ITSN1: variants seen among roughly 807,000 people sequenced by gnomAD.
ITSN1 encodes the protein intersectin-1.
In ITSN1, 58 loss-of-function variants were observed where a neutral mutation model predicts 239.8. The observed-to-expected ratio is 0.24, with a 90% CI of 0.20 to 0.30. The LOEUF (loss-of-function observed/expected upper bound fraction) is 0.30, where lower values mean the gene tolerates loss of function less well. Among genes scored for constraint, ITSN1 ranks in the 10% least tolerant of loss-of-function variants. The probability of loss-of-function intolerance (pLI) is 1.00; values close to 1 mark genes in which losing one functional copy is unlikely to be tolerated. For synonymous variants in ITSN1, 780 were observed against 770.8 expected (o/e 1.01, Z -0.20); for missense variants, 1,558 against 2,103.3 (o/e 0.74, Z 5.07).
Position 33,777,255 on chromosome 21 carries a change from T to A in ITSN1, c.1596+2147T>A, listed in dbSNP as rs187534856. Among the ~76,000 whole-genome samples the A allele has an allele frequency of 3.5e-3, 537 of 152,320 alleles. 2 individuals are homozygous for A. Among genetic ancestry groups the A allele is most frequent in the African/African-American group, 0.012 (510 of 41,568 alleles). ...CTTTTTTCCCATTGAGTTACCTTGG[T>A]AGCTTGTTGAAAATCAGTTGAACAT... On this transcript the variant is annotated intron_variant, in intron 14 of 39. Transcript: ENST00000381318.
intron 1 of ITSN1, among the ~76,000 whole-genome samples, chr21:33,702,224 C>T (rs1167977493): frequency 0.1 from 5 of 48 alleles, no homozygotes; most frequent in Non-Finnish European, 0.12. Flanking sequence ...CAAGCGATTC[C>T]CCTGCACTCA....
chr21:33,858,140 G>A (rs764432280), intron 30 of ITSN1, among the ~76,000 whole-genome samples: 5 of 152,114 alleles, frequency 3.3e-5, no homozygotes, highest in African/African-American at 9.7e-5. Flanking sequence ...CCCTTGTAGC[G>A]GGCCTGCAAG....
intron 20 of ITSN1, among the ~76,000 whole-genome samples, chr21:33,809,241 T>A (rs1269663385): frequency 6.6e-6 from 1 of 152,208 alleles, no homozygotes; most frequent in African/African-American, 2.4e-5. Context: ...ATTCAACCTT[T>A]GGAAGTGTTA....
chr21:33,886,120 G>A (rs1985753922), intron 38 of ITSN1, among the ~76,000 whole-genome samples, 167 bp from the exon 39 acceptor site: 1 of 151,850 alleles, frequency 6.6e-6, no homozygotes, highest in African/African-American at 2.4e-5. Context: ...ACTGAGGCAG[G>A]AGAATCACTT....
In ITSN1 at chr21:33,748,652, C is replaced by A. The variant is rs368933528; in HGVS notation, c.347-1491C>A. Among the ~76,000 whole-genome samples the A allele has an allele frequency of 1.4e-4, 21 of 151,070 alleles. No individual in the cohort carries two copies. The East Asian group carries it at 3.9e-3, about 28-fold the overall frequency. On this transcript the variant is annotated intron_variant, in intron 5 of 39. Coordinates refer to ENST00000381318, the MANE Select transcript of ITSN1 (RefSeq NM_003024.3). Reference sequence around the variant, plus strand: ...CCCAGAAGTTCGAGACGAGCTCAGGCAACATAGTAAGACCTCATCTCTACC... The same window carrying A: ...CCCAGAAGTTCGAGACGAGCTCAGGAAACATAGTAAGACCTCATCTCTACC...
chr21:33,742,831 G>A (rs939089178), intron 5 of ITSN1, among the ~76,000 whole-genome samples: 1 of 152,164 alleles, frequency 6.6e-6, no homozygotes, highest in African/African-American at 2.4e-5. Context: ...GCAACAGAAA[G>A]TATCAAGCAA....
At chr21:33,844,067 A>G (rs1476078488) in intron 29 of ITSN1, among the ~76,000 whole-genome samples, 1 of 152,226 alleles carries the variant, frequency 6.6e-6, no homozygotes, top group African/African-American at 2.4e-5. Flanking sequence ...GAGAGAAAAG[A>G]TTGGACAGCT....
intron 29 of ITSN1, among the ~76,000 whole-genome samples, chr21:33,841,457 C>T (rs2074820627): frequency 1.3e-5 from 2 of 152,338 alleles, no homozygotes; most frequent in East Asian, 1.9e-4. Flanking sequence ...CCAGTCTCAG[C>T]TTTTGACACA....
chr21:33,839,447 A>T (rs2074750133), intron 29 of ITSN1, among the ~76,000 whole-genome samples: 1 of 151,744 alleles, frequency 6.6e-6, no homozygotes, highest in Non-Finnish European at 1.5e-5. Context: ...GGAGTGGGGG[A>T]AGAGGTGTGG....
Position 33,895,754 on chromosome 21 carries a change from T to A in ITSN1, c.*7454T>A, listed in dbSNP as rs1569359086. 6.6e-6 allele frequency: 1 copy of A among 152,314 alleles called. No homozygotes were observed. The highest frequency in any genetic ancestry group is 1.5e-5 in the Non-Finnish European group (1 of 68,118). The allele number at this position is 152,314 out of a possible 1,614,324, so 9.4% of individuals were successfully genotyped here. A position where few individuals can be genotyped will look rare whatever the true frequency, so the allele number is the denominator to read the frequency against. ...GCATGCGTGTGTACCTACCCACACC[T>A]AGGGGGATGCATGGCTCTGTGCCTT... On this transcript the variant is annotated 3_prime_UTR_variant, in exon 40 of 40. Coordinates refer to ENST00000381318, the MANE Select transcript of ITSN1 (RefSeq NM_003024.3).
intron 34 of ITSN1, among the ~76,000 whole-genome samples, chr21:33,879,138 A>C (rs1243145422): frequency 2.0e-5 from 3 of 152,178 alleles, no homozygotes; most frequent in Admixed American, 6.5e-5. Context: ...CCTTGAGGCC[A>C]GAAGTTCAAG....
chr21:33,683,767 T>A (rs1321504931), intron 1 of ITSN1, among the ~76,000 whole-genome samples: 1 of 152,256 alleles, frequency 6.6e-6, no homozygotes, highest in Non-Finnish European at 1.5e-5. Flanking sequence ...TCCAAATATT[T>A]GAAATACTAA....
intron 27 of ITSN1, among the ~76,000 whole-genome samples, chr21:33,831,077 A>G (rs991183047): frequency 2.6e-5 from 4 of 152,228 alleles, no homozygotes; most frequent in African/African-American, 9.6e-5. Flanking sequence ...AGTTACTACT[A>G]TAGCAGTTAC....
intron 1 of ITSN1, among the ~76,000 whole-genome samples, chr21:33,668,382 C>G (rs1287541213): frequency 6.6e-6 from 1 of 152,222 alleles, no homozygotes; most frequent in Non-Finnish European, 1.5e-5. Context: ...AGGATGGGCT[C>G]TCTGCCATGA....
chr21:33,736,157 C>A (rs569045162), intron 5 of ITSN1, among the ~76,000 whole-genome samples: 3 of 152,240 alleles, frequency 2.0e-5, no homozygotes, highest in Non-Finnish European at 4.4e-5. Flanking sequence ...ACATCTGATT[C>A]ATGGGGAGGT....
At chr21:33,666,871 A>T (rs1212060117) in intron 1 of ITSN1, among the ~76,000 whole-genome samples, 1 of 152,190 alleles carries the variant, frequency 6.6e-6, no homozygotes, top group Admixed American at 6.5e-5. Flanking sequence ...GTGCAATGAC[A>T]GCTCACTGCA....
intron 33 of ITSN1, among the ~76,000 whole-genome samples, chr21:33,868,503 G>A (rs370741559): frequency 6.6e-6 from 1 of 152,206 alleles, no homozygotes; most frequent in African/African-American, 2.4e-5. Flanking sequence ...CGAGCGCAGC[G>A]CCGGTGGGCT....
chr21:33,753,064 A>G (rs938964536), intron 7 of ITSN1, among the ~76,000 whole-genome samples: 3 of 152,196 alleles, frequency 2.0e-5, no homozygotes, highest in Non-Finnish European at 4.4e-5. Flanking sequence ...ACTCTCTGTT[A>G]TAGATGAGGG....
intron 1 of ITSN1, among the ~76,000 whole-genome samples, chr21:33,678,858 C>T (rs376551668): frequency 3.8e-4 from 58 of 152,288 alleles, no homozygotes; most frequent in African/African-American, 1.4e-3. Flanking sequence ...GGATTACAGG[C>T]ATGCGCCACC....
Sources: allele counts gnomAD v4.1 joint callset (sites outside exome capture counted in the v4.1 genomes callset), GRCh38; gene constraint gnomAD v4.1.1; transcripts MANE v1.5; gene names NCBI Gene and HGNC (gene_info 2026-07-23, HGNC 2026-07-21).